Variants in EDIL3 observed in about 807,000 individuals in gnomAD.
EDIL3 encodes EGF-like repeat and discoidin I-like domain-containing protein 3.
EDIL3 carries 37 observed loss-of-function variants against 67.4 expected under a neutral mutation model. The ratio of observed to expected loss-of-function variants is 0.55; its 90% CI spans 0.42 to 0.72. EDIL3 has a LOEUF of 0.72. Among genes scored for constraint, EDIL3 ranks in the 30% least tolerant of loss-of-function variants. EDIL3 has a pLI of 0.00. For missense variants in EDIL3, 527 were observed against 586.3 expected (o/e 0.90, Z 1.04); for synonymous variants, 195 against 196.3 (o/e 0.99, Z 0.05).
At chr5:84,360,731 C>T (rs1398638612) in intron 1 of EDIL3, among the ~76,000 whole-genome samples, 1 of 151,988 alleles carries the variant, frequency 6.6e-6, no homozygotes, top group Non-Finnish European at 1.5e-5. Flanking sequence ...AAAAGTGGTC[C>T]TTTAGGAAAT....
At chr5:84,036,925 A>G (rs1445328363) in intron 9 of EDIL3, among the ~76,000 whole-genome samples, 1 of 152,174 alleles carries the variant, frequency 6.6e-6, no homozygotes, top group Non-Finnish European at 1.5e-5. Flanking sequence ...TCAAAAACAG[A>G]TCAAGCTAAA....
At position 84,078,359 on chromosome 5, in the gene EDIL3, G is replaced by A. The variant is rs192320137; in HGVS notation, c.652-11753C>T. The stretch of plus-strand genomic sequence containing the variant: ...CTCTAAGAATCAGAAATGATGAACT[G>A]GGTTTTTATACGGATATCTAAAAAA... On this transcript the variant is annotated intron_variant, in intron 6 of 10. Transcript: ENST00000296591. Among the ~76,000 whole-genome samples the A allele has an allele frequency of 2.9e-3, 441 of 152,068 alleles. 1 individual carries two copies. The highest frequency in any genetic ancestry group is 0.01 in the African/African-American group (425 of 41,452).
chr5:84,220,017 G>A (rs940351652), intron 3 of EDIL3, among the ~76,000 whole-genome samples: 3 of 152,098 alleles, frequency 2.0e-5, no homozygotes, highest in Non-Finnish European at 4.4e-5. Context: ...AATATAGGTA[G>A]ATAGAATGAA....
rs1744213761 is a variant in EDIL3, at chr5:83,940,990, T to C, written c.*2429A>G. On this transcript the variant is annotated 3_prime_UTR_variant, in exon 11 of 11. Transcript: ENST00000296591. Reference sequence around the variant, plus strand: ...TTCATTAATTGTAAAATTAGCATGTTATATTTACTCAATATAGTGAAGACT... The same window carrying C: ...TTCATTAATTGTAAAATTAGCATGTCATATTTACTCAATATAGTGAAGACT... The C allele has an allele frequency of 6.6e-6, 1 of 152,062 alleles. No individual in the cohort carries two copies. The highest frequency in any genetic ancestry group is 1.5e-5 in the Non-Finnish European group (1 of 67,928). 9.4% of individuals were successfully genotyped at this position (152,062 alleles called of 1,614,324 possible). A position where few individuals can be genotyped will look rare whatever the true frequency, so the allele number is the denominator to read the frequency against.
chr5:84,238,667 T>TG (rs1554037703), intron 2 of EDIL3, among the ~76,000 whole-genome samples: 1 of 90,210 alleles, frequency 1.1e-5, no homozygotes, highest in Non-Finnish European at 2.6e-5. Flanking sequence ...AATTAAATGT[T>TG]TTTTTTTTTT....
Position 84,065,008 on chromosome 5 carries a change from A to G in EDIL3, c.808-164T>C, listed in dbSNP as rs536104814. 1.1e-4 allele frequency among the ~76,000 whole-genome samples: 17 copies of G among 152,304 alleles called. 1 individual carries two copies. The South Asian group carries it at 3.1e-3, about 28-fold the overall frequency. ...GTGCCTTGCCATGAGCACTGAATATAAAACCCAACCATAAACTCCTAATTA... is the reference window on the plus strand; with the variant it reads ...GTGCCTTGCCATGAGCACTGAATATGAAACCCAACCATAAACTCCTAATTA... On this transcript the variant is annotated intron_variant, in intron 7 of 10. Coordinates refer to ENST00000296591, the MANE Select transcript of EDIL3 (RefSeq NM_005711.5).
At chr5:84,150,890 G>A (rs1294250407) in intron 4 of EDIL3, among the ~76,000 whole-genome samples, 1 of 152,030 alleles carries the variant, frequency 6.6e-6, no homozygotes, top group African/African-American at 2.4e-5. Flanking sequence ...TCTCAAAATA[G>A]TTATGCTGAG....
chr5:84,156,423 C>G (rs1206920015), intron 4 of EDIL3, among the ~76,000 whole-genome samples: 1 of 152,126 alleles, frequency 6.6e-6, no homozygotes, highest in African/African-American at 2.4e-5. Context: ...CCTTCTTTAT[C>G]AACACAATTC....
intron 9 of EDIL3, among the ~76,000 whole-genome samples, chr5:84,051,000 C>T (rs766527233): frequency 4.6e-5 from 7 of 152,200 alleles, no homozygotes; most frequent in Non-Finnish European, 5.9e-5. Context: ...GATCTGAGAA[C>T]GGACAGACTG....
At position 84,384,319 on chromosome 5, in the gene EDIL3, T is replaced by TG. The variant is rs1748174762; in HGVS notation, c.55dup (p.Gln19ProfsTer6). 3.7e-6 allele frequency: 6 copies of TG among 1,610,164 alleles called. No individual in the cohort carries two copies. Among genetic ancestry groups the TG allele is most frequent in the Non-Finnish European group, 5.1e-6 (6 of 1,178,300 alleles). On this transcript the variant is annotated frameshift_variant, in exon 1 of 11. Transcript: ENST00000296591. LOFTEE classifies it high-confidence loss of function. ...TCCCGACGCCTTACCTTTGCCGAAC[T>TG]GGGGGACACCGAGGCTGAGCCCGAC...
At chr5:84,177,146 T>C (rs759077662) in intron 4 of EDIL3, among the ~76,000 whole-genome samples, 2 of 152,134 alleles carry the variant, frequency 1.3e-5, no homozygotes, top group Non-Finnish European at 2.9e-5. Context: ...TGAATGTCTA[T>C]AGCAGCTTTA....
rs778014829 is a variant in EDIL3, at chr5:83,943,502, G to A, written c.1360C>T (p.Arg454Ter). 4 of 1,612,662 alleles carry A rather than the reference G, an allele frequency of 2.5e-6. No individual in the cohort carries two copies. Among genetic ancestry groups the A allele is most frequent in the South Asian group, 2.2e-5 (2 of 91,060 alleles). Residue 454 changes from arginine to a stop codon, truncating the protein, a stop_gained, in exon 11 of 11, where the codon CGA (arginine) becomes TGA (stop). Coordinates refer to ENST00000296591, the MANE Select transcript of EDIL3 (RefSeq NM_005711.5). LOFTEE classifies it high-confidence loss of function. Reference sequence around the variant, plus strand: ...GACCAAGGAAGGATTCTTATGTGTCGTGCATAGATGGGAGGGTCGATGACA... The same window carrying A: ...GACCAAGGAAGGATTCTTATGTGTCATGCATAGATGGGAGGGTCGATGACA... Reference protein sequence around the residue: ...KNVIDPPIYARHIRILPWSWY... With the variant: ...KNVIDPPIYA
chr5:84,296,109 C>T (rs1561248888), intron 1 of EDIL3, among the ~76,000 whole-genome samples: 2 of 152,302 alleles, frequency 1.3e-5, no homozygotes, highest in South Asian at 2.1e-4. Context: ...GTATCTGACA[C>T]ATAGTAGGTG....
intron 5 of EDIL3, among the ~76,000 whole-genome samples, chr5:84,110,760 G>A (rs1468310530): frequency 6.6e-6 from 1 of 152,132 alleles, no homozygotes; most frequent in East Asian, 1.9e-4. Context: ...TTTTCCTTCT[G>A]CTATATTATG....
intron 3 of EDIL3, among the ~76,000 whole-genome samples, chr5:84,218,231 T>C (rs1431016954): frequency 1.3e-5 from 2 of 152,208 alleles, no homozygotes; most frequent in Non-Finnish European, 2.9e-5. Context: ...ATGTCATTCT[T>C]ATTTCTAATA....
At chr5:84,119,077 T>C (rs1747724193) in intron 5 of EDIL3, among the ~76,000 whole-genome samples, 1 of 152,094 alleles carries the variant, frequency 6.6e-6, no homozygotes, top group Non-Finnish European at 1.5e-5. Context: ...GCTTTTACAT[T>C]GTTGTTGTTT....
At chr5:84,106,898 G>A (rs973549292) in intron 5 of EDIL3, 68 bp from the exon 6 acceptor site, 15 of 1,445,682 alleles carry the variant, frequency 1.0e-5, no homozygotes, top group Middle Eastern at 1.9e-4. Flanking sequence ...GTGTCTGTTC[G>A]ATTTGATAGG....
intron 3 of EDIL3, among the ~76,000 whole-genome samples, chr5:84,216,777 T>C (rs1744234542): frequency 1.3e-5 from 2 of 152,102 alleles, no homozygotes; most frequent in Admixed American, 1.3e-4. Flanking sequence ...AAAGTAAAAA[T>C]AGCAGCTTAG....
rs1419132017 is a variant in EDIL3, at chr5:84,006,364, A to AAAAC, written c.1138-43008_1138-43005dup. 1.1e-4 allele frequency among the ~76,000 whole-genome samples: 16 copies of AAAAC among 151,994 alleles called. 1 individual carries two copies. In the East Asian group the frequency reaches 3.1e-3, roughly 29 times the overall value. ...GCCATAAAACAAAACAAAACAAAACAAAACAAAACAAAACAAAACAAAACA... is the reference window on the plus strand; with the variant it reads ...GCCATAAAACAAAACAAAACAAAACAAAACAAACAAAACAAAACAAAACAAAACA... On this transcript the variant is annotated intron_variant, in intron 9 of 10. Transcript: ENST00000296591.
Sources: gnomAD v4.1 joint callset for allele counts (sites outside exome capture counted in the v4.1 genomes callset) on GRCh38, gnomAD v4.1.1 for gene constraint, MANE v1.5 for transcripts, NCBI Gene and HGNC (gene_info 2026-07-23, HGNC 2026-07-21) for gene names.